XRCC2: variants seen among roughly 807,000 people sequenced by gnomAD.
The protein encoded by XRCC2 is X-ray repair cross complementing 2.
In XRCC2, 24 loss-of-function variants were observed where a neutral mutation model predicts 27.3. That is an observed-to-expected ratio of 0.88 (90% CI 0.64 to 1.24). XRCC2 has a LOEUF of 1.24. Ranked by LOEUF, XRCC2 falls within the 50% of genes most tolerant of loss-of-function variation. XRCC2 has a pLI of 0.00. For synonymous variants in XRCC2, 106 were observed against 115.4 expected, an observed-to-expected ratio of 0.92 and a Z score of 0.52; for missense variants, 321 against 325.8, an observed-to-expected ratio of 0.99 and a Z score of 0.11.
At chr7:152,653,947 G>C (rs3218510) in intron 2 of XRCC2, among the ~76,000 whole-genome samples, 6,605 of 152,160 alleles carry the variant, frequency 0.043, 483 homozygotes, top group African/African-American at 0.15. Flanking sequence ...TGTAATCCCA[G>C]TACTTTGGGA....
intron 1 of XRCC2, among the ~76,000 whole-genome samples, chr7:152,661,339 T>C (rs1302228159): frequency 6.6e-6 from 1 of 152,134 alleles, no homozygotes; most frequent in African/African-American, 2.4e-5. Flanking sequence ...TATGGCAAAA[T>C]TTTTACCTTC....
At chr7:152,668,340 A>G (rs920871296) in intron 1 of XRCC2, among the ~76,000 whole-genome samples, 1 of 152,088 alleles carries the variant, frequency 6.6e-6, no homozygotes, top group African/African-American at 2.4e-5. Context: ...GTTCACTACT[A>G]TCTGTGGTTT....
At chr7:152,668,918 A>G (rs1052506020) in intron 1 of XRCC2, among the ~76,000 whole-genome samples, 1 of 152,174 alleles carries the variant, frequency 6.6e-6, no homozygotes, top group Non-Finnish European at 1.5e-5. Context: ...ATTTGTTACT[A>G]TTGTATTTTT....
intron 1 of XRCC2, among the ~76,000 whole-genome samples, chr7:152,663,360 A>AAAAAG (rs1324454289): frequency 3.9e-5 from 4 of 103,884 alleles, no homozygotes; most frequent in Non-Finnish European, 9.5e-5. Context: ...AAAAAAAAAA[A>AAAAAG]AAAAAAAAAA....
chr7:152,651,752 G>T (rs935342002), intron 2 of XRCC2, among the ~76,000 whole-genome samples: 2 of 151,698 alleles, frequency 1.3e-5, no homozygotes, highest in African/African-American at 2.4e-5. Flanking sequence ...GGGCTCAAGT[G>T]GTCTGCCTGC....
chr7:152,669,699 G>C (rs2098037371), intron 1 of XRCC2, among the ~76,000 whole-genome samples: 1 of 151,858 alleles, frequency 6.6e-6, no homozygotes, highest in South Asian at 2.1e-4. Flanking sequence ...CACCATGCCT[G>C]GCCACTTACC....
At chr7:152,658,150 C>CTT (rs1203269973) in intron 2 of XRCC2, among the ~76,000 whole-genome samples, 3 of 137,106 alleles carry the variant, frequency 2.2e-5, no homozygotes, top group East Asian at 4.2e-4. Context: ...TTTTCTTTTT[C>CTT]TTTTTTTTTT....
chr7:152,654,051 C>G (rs932467368), intron 2 of XRCC2, among the ~76,000 whole-genome samples: 20 of 151,966 alleles, frequency 1.3e-4, no homozygotes, highest in Admixed American at 2.6e-4. Flanking sequence ...TAAAAATTAG[C>G]TGGGCATGGT....
chr7:152,670,878 A>G (rs1392667998), intron 1 of XRCC2, among the ~76,000 whole-genome samples: 1 of 152,210 alleles, frequency 6.6e-6, no homozygotes, highest in Non-Finnish European at 1.5e-5. Flanking sequence ...GGTGTGAGCC[A>G]CCACGCCCAG....
At chr7:152,674,327 A>C (rs1211451104) in intron 1 of XRCC2, among the ~76,000 whole-genome samples, 1 of 152,138 alleles carries the variant, frequency 6.6e-6, no homozygotes, top group Non-Finnish European at 1.5e-5. Context: ...TTTAAATATA[A>C]GGTTTTGGCC....
chr7:152,652,024 AG>A, intron 2 of XRCC2, among the ~76,000 whole-genome samples: 1 of 151,874 alleles, frequency 6.6e-6, no homozygotes, highest in South Asian at 2.1e-4. Context: ...AAAAAGAAAT[AG>A]CCGGGCGTGG....
chr7:152,667,445 T>C (rs2098036408), intron 1 of XRCC2, among the ~76,000 whole-genome samples: 1 of 149,024 alleles, frequency 6.7e-6, no homozygotes, highest in East Asian at 2.0e-4. Context: ...GTATTATAAT[T>C]TTATTGACGG....
chr7:152,674,800 TTTA>T (rs2098040203), intron 1 of XRCC2, among the ~76,000 whole-genome samples: 1 of 94,222 alleles, frequency 1.1e-5, no homozygotes, highest in African/African-American at 3.5e-5. Context: ...ATATCTATGG[TTTA>T]TAACTGTAGC....
At chr7:152,659,903 C>T (rs1258569843) in intron 2 of XRCC2, among the ~76,000 whole-genome samples, 1 of 152,152 alleles carries the variant, frequency 6.6e-6, no homozygotes, top group East Asian at 1.9e-4. Flanking sequence ...AAATGTCCAT[C>T]AGCTAACAAA....
chr7:152,669,148 G>A (rs1390936865), intron 1 of XRCC2, among the ~76,000 whole-genome samples: 1 of 152,116 alleles, frequency 6.6e-6, no homozygotes, highest in Non-Finnish European at 1.5e-5. Flanking sequence ...AGAGGCTGAG[G>A]CAGGAGTACT....
At chr7:152,661,263 C>T (rs747151274) in intron 1 of XRCC2, among the ~76,000 whole-genome samples, 12 of 152,102 alleles carry the variant, frequency 7.9e-5, no homozygotes, top group Non-Finnish European at 1.5e-4. Context: ...CAAATACTGA[C>T]AGTATAAAAT....
At chr7:152,662,859 C>T (rs547296794) in intron 1 of XRCC2, among the ~76,000 whole-genome samples, 1 of 152,218 alleles carries the variant, frequency 6.6e-6, no homozygotes, top group Non-Finnish European at 1.5e-5. Flanking sequence ...AGGCGTGAGC[C>T]ACCGCGCCCG....
chr7:152,660,653 C>T, intron 2 of XRCC2, 48 bp downstream of exon 2: 2 of 1,520,450 alleles, frequency 1.3e-6, no homozygotes, highest in South Asian at 1.2e-5. Context: ...TGTGAAAAAT[C>T]CTTTTATAAA....
intron 2 of XRCC2, among the ~76,000 whole-genome samples, 190 bp from the exon 3 acceptor site, chr7:152,649,553 G>T (rs1418214074): frequency 6.6e-6 from 1 of 152,166 alleles, no homozygotes; most frequent in Non-Finnish European, 1.5e-5. Flanking sequence ...TGGGAAGGTT[G>T]GAAGAGGCTA....
Sources: allele counts gnomAD v4.1 joint callset (sites outside exome capture counted in the v4.1 genomes callset), GRCh38; gene constraint gnomAD v4.1.1; transcripts MANE v1.5; gene names NCBI Gene and HGNC (gene_info 2026-07-23, HGNC 2026-07-21).